NEGR1: variants seen among roughly 807,000 people sequenced by gnomAD.
NEGR1 encodes neuronal growth regulator 1, also known as IgLON family member 4.
A neutral mutation model predicts 40.9 loss-of-function variants in NEGR1; 10 were observed. The ratio of observed to expected loss-of-function variants is 0.24; its 90% CI spans 0.15 to 0.42. The LOEUF (loss-of-function observed/expected upper bound fraction) is 0.42. Ranked by LOEUF, NEGR1 falls within the 10% of genes least tolerant of loss-of-function variation. The pLI is 1.00. For missense variants in NEGR1, 352 were observed against 438.9 expected, an observed-to-expected ratio of 0.80 and a Z score of 1.77; for synonymous variants, 185 against 166.8, an observed-to-expected ratio of 1.11 and a Z score of -0.84.
chr1:72,117,840 G>A (rs1024266874), intron 1 of NEGR1, among the ~76,000 whole-genome samples: 28 of 151,806 alleles, frequency 1.8e-4, no homozygotes, highest in African/African-American at 6.8e-4. Flanking sequence ...TGATCCTCAA[G>A]TGCCACCTGC....
intron 1 of NEGR1, among the ~76,000 whole-genome samples, chr1:72,007,690 T>G (rs2100394546): frequency 6.6e-6 from 1 of 152,326 alleles, no homozygotes; most frequent in South Asian, 2.1e-4. Context: ...CTATAATTTC[T>G]TCTGCTCAAA....
At chr1:71,634,358 G>A (rs1183099304) in intron 4 of NEGR1, among the ~76,000 whole-genome samples, 1 of 152,082 alleles carries the variant, frequency 6.6e-6, no homozygotes, top group Non-Finnish European at 1.5e-5. Context: ...GCCAACCATG[G>A]CCAAATGCAG....
intron 1 of NEGR1, among the ~76,000 whole-genome samples, chr1:72,156,599 T>C (rs1187572556): frequency 1.3e-5 from 2 of 152,286 alleles, no homozygotes; most frequent in East Asian, 3.9e-4. Context: ...TGTATTGCTA[T>C]TTTTTGTCAT....
At chr1:71,576,576 G>A (rs1406217157) in intron 6 of NEGR1, among the ~76,000 whole-genome samples, 2 of 152,138 alleles carry the variant, frequency 1.3e-5, no homozygotes, top group Non-Finnish European at 2.9e-5. Flanking sequence ...CATCACAAAG[G>A]GGTAGACTGT....
In NEGR1 at chr1:72,244,516, T is replaced by C. The variant is rs1444896018; in HGVS notation, c.176+37803A>G. 3.9e-5 allele frequency among the ~76,000 whole-genome samples: 6 copies of C among 151,942 alleles called. No homozygotes were observed. The East Asian group carries it at 7.7e-4, about 20-fold the overall frequency. ...ATGTAAACACACACATATATACATA[T>C]TGTTTATGCATCTTTTATTTCGTAT... On this transcript the variant is annotated intron_variant, in intron 1 of 6. Transcript: ENST00000357731.
chr1:72,189,133 A>C (rs2821291), intron 1 of NEGR1, among the ~76,000 whole-genome samples: 1 of 151,412 alleles, frequency 6.6e-6, no homozygotes, highest in Admixed American at 6.6e-5. Context: ...TCAAATGATA[A>C]ATTGCACTTT....
chr1:71,618,409 C>A (rs1650510184), intron 4 of NEGR1, among the ~76,000 whole-genome samples: 1 of 152,108 alleles, frequency 6.6e-6, no homozygotes, highest in Non-Finnish European at 1.5e-5. Context: ...GACAGAATAT[C>A]CTGGGTTGCC....
intron 6 of NEGR1, chr1:71,573,535 T>G (rs1004258659): frequency 6.6e-6 from 1 of 152,188 alleles, no homozygotes; most frequent in Non-Finnish European, 1.5e-5. Flanking sequence ...AGACAGTGAT[T>G]TATCATAATG....
intron 2 of NEGR1, among the ~76,000 whole-genome samples, chr1:71,814,377 T>G (rs564870258): frequency 2.6e-4 from 39 of 152,192 alleles, no homozygotes; most frequent in Middle Eastern, 6.8e-3. Flanking sequence ...GTTTTCTTTT[T>G]TGTGTGTGTC....
intron 3 of NEGR1, among the ~76,000 whole-genome samples, chr1:71,715,567 G>T (rs1184149328): frequency 2.6e-5 from 4 of 152,098 alleles, no homozygotes; most frequent in Non-Finnish European, 5.9e-5. Context: ...GAGCACCCAA[G>T]TCACTCCTTG....
chr1:71,705,367 G>A (rs563088491), intron 3 of NEGR1, among the ~76,000 whole-genome samples: 41 of 152,214 alleles, frequency 2.7e-4, no homozygotes, highest in African/African-American at 9.1e-4. Context: ...TACACAGAAA[G>A]CAAAACTATA....
chr1:72,146,089 G>A (rs74924535), intron 1 of NEGR1, among the ~76,000 whole-genome samples: 34,220 of 151,896 alleles, frequency 0.23, 4,425 homozygotes, highest in Non-Finnish European at 0.29. Flanking sequence ...ACAATACTAT[G>A]TTTTCACTAT....
At chr1:71,978,087 C>T (rs965567533) in intron 1 of NEGR1, among the ~76,000 whole-genome samples, 2 of 142,792 alleles carry the variant, frequency 1.4e-5, no homozygotes, top group Non-Finnish European at 3.1e-5. Context: ...GAGAATAAGG[C>T]CTCTCTAGAG....
At chr1:71,715,994 T>C (rs546379751) in intron 3 of NEGR1, among the ~76,000 whole-genome samples, 79 of 152,302 alleles carry the variant, frequency 5.2e-4, no homozygotes, top group African/African-American at 1.8e-3. Flanking sequence ...CATGCTGTTG[T>C]AAAGAAATAC....
At chr1:72,075,265 T>C (rs1162077170) in intron 1 of NEGR1, among the ~76,000 whole-genome samples, 1 of 152,166 alleles carries the variant, frequency 6.6e-6, no homozygotes, top group Non-Finnish European at 1.5e-5. Context: ...TTTTTACAAT[T>C]TCTTGAAAGA....
chr1:71,418,423 C>A (rs1194983673), intron 6 of NEGR1, among the ~76,000 whole-genome samples: 1 of 151,950 alleles, frequency 6.6e-6, no homozygotes, highest in Non-Finnish European at 1.5e-5. Context: ...ACGCCATTCT[C>A]CTGCCTCAGC....
At chr1:71,671,893 C>CTCTTT in intron 4 of NEGR1, among the ~76,000 whole-genome samples, 1 of 121,582 alleles carries the variant, frequency 8.2e-6, no homozygotes, top group Non-Finnish European at 1.7e-5. Flanking sequence ...CTCTCTCTCT[C>CTCTTT]TTTTTTTTTT....
chr1:71,403,112 T>G lies in NEGR1; in HGVS notation c.*4334A>C, dbSNP rs1258267551. The G allele has an allele frequency of 6.6e-6, 1 of 152,104 alleles. No homozygotes were observed. Among genetic ancestry groups the G allele is most frequent in the East Asian group, 1.9e-4 (1 of 5,204 alleles). 9.4% of individuals were successfully genotyped at this position (152,104 alleles called of 1,614,324 possible). On this transcript the variant is annotated 3_prime_UTR_variant, in exon 7 of 7. Coordinates refer to ENST00000357731, the MANE Select transcript of NEGR1 (RefSeq NM_173808.3). ...TGTTTTATCTATCACATTGTTCTCA[T>G]TTATTCAGTTGACTATCATAGATGA...
chr1:71,617,530 T>G (rs1194154801), intron 4 of NEGR1, among the ~76,000 whole-genome samples: 1 of 152,176 alleles, frequency 6.6e-6, no homozygotes, highest in South Asian at 2.1e-4. Flanking sequence ...GAAAACTGAA[T>G]TGGTTATTTT....
Sources: allele counts gnomAD v4.1 joint callset (sites outside exome capture counted in the v4.1 genomes callset), GRCh38; gene constraint gnomAD v4.1.1; transcripts MANE v1.5; gene names NCBI Gene and HGNC (gene_info 2026-07-23, HGNC 2026-07-21).